DENND4C: variants seen among roughly 807,000 people sequenced by gnomAD.
DENND4C encodes the protein DENN domain containing 4C.
DENND4C carries 108 observed loss-of-function variants against 203.0 expected under a neutral mutation model. The ratio of observed to expected loss-of-function variants is 0.53; its 90% confidence interval spans 0.46 to 0.62. The LOEUF is 0.62. DENND4C is among the 20% of genes least tolerant of loss of function. The probability of loss-of-function intolerance (pLI) is 0.00; values close to 1 mark genes in which losing one functional copy is unlikely to be tolerated. For missense variants in DENND4C, 2,481 were observed against 2,301.2 expected (o/e 1.08, Z -1.60); for synonymous variants, 871 against 792.4 (o/e 1.10, Z -1.67).
intron 1 of DENND4C, among the ~76,000 whole-genome samples, chr9:19,253,647 C>T (rs1469085906): frequency 6.6e-6 from 1 of 152,196 alleles, no homozygotes. Flanking sequence ...TACCAGGGAA[C>T]ATACAGCTGT....
intron 1 of DENND4C, among the ~76,000 whole-genome samples, chr9:19,231,437 A>G (rs77804392): frequency 0.01 from 1,533 of 152,170 alleles, 10 homozygotes; most frequent in Non-Finnish European, 0.016. Flanking sequence ...GGAGGGCAGT[A>G]TCCTTTTAAC....
chr9:19,351,948 A>G, intron 24 of DENND4C, 125 bp from the exon 25 acceptor site: 1 of 685,730 alleles, frequency 1.5e-6, no homozygotes. Context: ...ATACATTTTT[A>G]TACTGAGCCA....
At chr9:19,296,617 T>C (rs1471150989) in intron 6 of DENND4C, among the ~76,000 whole-genome samples, 2 of 152,122 alleles carry the variant, frequency 1.3e-5, no homozygotes, top group African/African-American at 4.8e-5. Context: ...CCTCCCAAAG[T>C]GCTGGGATTA....
At chr9:19,250,113 T>C (rs1826193613) in intron 1 of DENND4C, among the ~76,000 whole-genome samples, 1 of 152,208 alleles carries the variant, frequency 6.6e-6, no homozygotes, top group South Asian at 2.1e-4. Flanking sequence ...GCCTGGGAAA[T>C]GTAGCAGGAC....
intron 1 of DENND4C, among the ~76,000 whole-genome samples, chr9:19,239,854 T>A (rs1823240725): frequency 6.6e-6 from 1 of 152,212 alleles, no homozygotes; most frequent in Admixed American, 6.5e-5. Flanking sequence ...TTGGTGAATG[T>A]TCTATGTGTG....
chr9:19,259,585 G>A (rs112582917), intron 1 of DENND4C, among the ~76,000 whole-genome samples: 48 of 148,720 alleles, frequency 3.2e-4, no homozygotes, highest in African/African-American at 1.1e-3. Context: ...GCTCACTGCA[G>A]CCTCCGCCTC....
chr9:19,330,380 T>A (rs1818825729), intron 16 of DENND4C, among the ~76,000 whole-genome samples: 1 of 134,518 alleles, frequency 7.4e-6, no homozygotes, highest in African/African-American at 2.7e-5. Context: ...CACTCTGTCA[T>A]CCAGGCTGGA....
intron 10 of DENND4C, among the ~76,000 whole-genome samples, chr9:19,313,856 G>C (rs1841227575): frequency 6.6e-6 from 1 of 152,162 alleles, no homozygotes; most frequent in East Asian, 1.9e-4. Flanking sequence ...ATTCTCAGGG[G>C]AGATCCCTCC....
chr9:19,289,897 T>TTTG (rs941665320), intron 4 of DENND4C, among the ~76,000 whole-genome samples: 2 of 152,106 alleles, frequency 1.3e-5, no homozygotes, highest in East Asian at 1.9e-4. Flanking sequence ...ATGTCCTTTT[T>TTTG]TTGTTGTTGT....
At chr9:19,269,780 G>A (rs764609447) in intron 1 of DENND4C, among the ~76,000 whole-genome samples, 1 of 152,218 alleles carries the variant, frequency 6.6e-6, no homozygotes. Context: ...TGTTTGGTGA[G>A]GTCATGTTTT....
Position 19,339,328 on chromosome 9 carries a change from A to T in DENND4C, c.2882-1664A>T, listed in dbSNP as rs1034804663. ...TCCCAGTGTTCCTTGTGGTACTTTA[A>T]CCCCCTTTCTTTAGTCTTCCTTAAC... On this transcript the variant is annotated intron_variant, in intron 20 of 32. Transcript: ENST00000434457. Among the ~76,000 whole-genome samples the T allele has an allele frequency of 7.2e-5, 11 of 152,086 alleles. No homozygotes were observed. The East Asian group carries it at 1.7e-3, about 24-fold the overall frequency.
At chr9:19,276,591 T>A in intron 2 of DENND4C, 112 bp downstream of exon 2, 1 of 588,886 alleles carries the variant, frequency 1.7e-6, no homozygotes, top group Non-Finnish European at 2.5e-6. Flanking sequence ...AGTTTATTAT[T>A]ATTGATAGTT....
At chr9:19,277,161 C>G (rs575703036) in intron 2 of DENND4C, among the ~76,000 whole-genome samples, 1 of 152,094 alleles carries the variant, frequency 6.6e-6, no homozygotes, top group South Asian at 2.1e-4. Flanking sequence ...ATTACCATTA[C>G]TAAAATATAG....
chr9:19,284,567 T>A (rs1834810770), intron 2 of DENND4C, among the ~76,000 whole-genome samples: 2 of 152,188 alleles, frequency 1.3e-5, no homozygotes, highest in African/African-American at 2.4e-5. Flanking sequence ...CATTTTATAT[T>A]CTGCCATATA....
chr9:19,252,726 CA>C (rs1826941111), intron 1 of DENND4C, among the ~76,000 whole-genome samples: 1 of 151,746 alleles, frequency 6.6e-6, no homozygotes, highest in African/African-American at 2.4e-5. Context: ...CACACACACA[CA>C]CACACACACA....
intron 1 of DENND4C, among the ~76,000 whole-genome samples, chr9:19,239,117 T>A (rs1226733464): frequency 6.6e-6 from 1 of 152,180 alleles, no homozygotes; most frequent in Non-Finnish European, 1.5e-5. Context: ...TTCTGCATTT[T>A]ATGTTTTTTC....
intron 4 of DENND4C, among the ~76,000 whole-genome samples, chr9:19,289,429 A>G (rs13285485): frequency 0.25 from 37,914 of 152,116 alleles, 5,019 homozygotes; most frequent in East Asian, 0.44. Context: ...TATCCAAAAA[A>G]TCGTGATTTT....
intron 10 of DENND4C, among the ~76,000 whole-genome samples, chr9:19,308,841 T>A (rs1358136943): frequency 6.6e-6 from 1 of 152,220 alleles, no homozygotes; most frequent in East Asian, 1.9e-4. Flanking sequence ...GTTTCTACAT[T>A]TGTATAAATA....
At chr9:19,245,893 C>G (rs1051109250) in intron 1 of DENND4C, among the ~76,000 whole-genome samples, 4 of 151,872 alleles carry the variant, frequency 2.6e-5, no homozygotes, top group South Asian at 2.1e-4. Context: ...CTAACTCTGA[C>G]CTCCACTTCC....
Sources: gnomAD v4.1 joint callset for allele counts (sites outside exome capture counted in the v4.1 genomes callset) on GRCh38, gnomAD v4.1.1 for gene constraint, MANE v1.5 for transcripts, NCBI Gene and HGNC (gene_info 2026-07-23, HGNC 2026-07-21) for gene names.